Variants in WRN observed in about 807,000 individuals in gnomAD.
WRN encodes WRN RecQ like helicase, also known as bifunctional 3'-5' exonuclease/ATP-dependent helicase WRN.
In WRN, 149 loss-of-function variants were observed where a neutral mutation model predicts 180.7. The ratio of observed to expected loss-of-function variants is 0.82; its 90% CI spans 0.72 to 0.94. The LOEUF (loss-of-function observed/expected upper bound fraction) is 0.94, where lower values mean the gene tolerates loss of function less well. WRN is among the 40% of genes least tolerant of loss of function. The probability of loss-of-function intolerance (pLI) is 0.00; values close to 1 mark genes in which losing one functional copy is unlikely to be tolerated. For missense variants in WRN, 1,661 were observed against 1,700.1 expected (o/e 0.98, Z 0.40); for synonymous variants, 548 against 568.9 (o/e 0.96, Z 0.52).
chr8:31,143,055 A>G (rs200164152), intron 27 of WRN, among the ~76,000 whole-genome samples: 2 of 19,064 alleles, frequency 1.0e-4, no homozygotes, highest in South Asian at 6.7e-3. Context: ...ACACACACAC[A>G]TTCTCTCTCT....
chr8:31,087,857 A>T lies in WRN; in HGVS notation c.1513A>T (p.Thr505Ser). Residue 505 changes from threonine (T) to serine (S), a missense_variant, in exon 12 of 35, where the codon ACT (threonine) becomes TCT (serine). This residue lies in a region of WRN where 1,141 missense variants were observed against 1,149.4 expected (regional missense o/e 0.99). Transcript: ENST00000298139. ...AATGGAAAGAAATCTGGGTCTTCCT[A>T]CTAAAGAAGAAGAAGAAGATGATGA... ...LKMERNLGLP[T>S]KEEEEDDENE... 1 of 1,613,780 alleles carries T rather than the reference A, an allele frequency of 6.2e-7. No homozygotes were observed. Among genetic ancestry groups the T allele is most frequent in the South Asian group, 1.1e-5 (1 of 91,082 alleles).
chr8:31,101,130 T>C (rs1814212784), intron 18 of WRN, among the ~76,000 whole-genome samples, 175 bp downstream of exon 18: 1 of 152,220 alleles, frequency 6.6e-6, no homozygotes, highest in East Asian at 1.9e-4. Context: ...TTGAGGAATA[T>C]AATAGAACAA....
intron 1 of WRN, among the ~76,000 whole-genome samples, chr8:31,050,509 CTT>C (rs60531883): frequency 1.2e-3 from 159 of 133,036 alleles, no homozygotes; most frequent in African/African-American, 2.8e-3. Flanking sequence ...GTTTTGGATA[CTT>C]TTTTTTTTTT....
At chr8:31,152,354 A>G (rs767377964) in intron 31 of WRN, among the ~76,000 whole-genome samples, 5 of 152,138 alleles carry the variant, frequency 3.3e-5, no homozygotes, top group Non-Finnish European at 5.9e-5. Flanking sequence ...GACTATATGA[A>G]CATGTATGGC....
At chr8:31,162,396 C>T (rs1475111899) in intron 33 of WRN, among the ~76,000 whole-genome samples, 1 of 152,192 alleles carries the variant, frequency 6.6e-6, no homozygotes, top group Non-Finnish European at 1.5e-5. Flanking sequence ...ACCTCCACAT[C>T]TTGTCCCACC....
At chr8:31,162,088 T>C (rs1803645272) in intron 33 of WRN, among the ~76,000 whole-genome samples, 1 of 152,104 alleles carries the variant, frequency 6.6e-6, no homozygotes, top group Non-Finnish European at 1.5e-5. Flanking sequence ...AAACAAAAGT[T>C]AAAAAATTTA....
chr8:31,063,860 A>T (rs958338652), intron 3 of WRN, among the ~76,000 whole-genome samples: 1 of 152,108 alleles, frequency 6.6e-6, no homozygotes, highest in Non-Finnish European at 1.5e-5. Context: ...AGTAGCTGGG[A>T]CTACAGGTGT....
chr8:31,106,231 C>T (rs1008148490), intron 18 of WRN, among the ~76,000 whole-genome samples: 5 of 152,144 alleles, frequency 3.3e-5, no homozygotes, highest in Admixed American at 6.5e-5. Flanking sequence ...CTGCCATTCC[C>T]CAGGTACGGG....
rs757791580 is a variant in WRN at position 31,058,472 on chromosome 8, A to G, written c.25A>G (p.Thr9Ala). The change falls in exon 2 of 35, where the codon ACT becomes GCT. Residue 9 changes from threonine to alanine, a missense_variant. By Grantham distance (58) the Thr-to-Ala change is moderately conservative. Around this residue, in one of 3 missense-constraint regions of WRN, gnomAD observed 500 missense variants for 504.1 expected, o/e 0.99. Coordinates refer to ENST00000298139, the MANE Select transcript of WRN (RefSeq NM_000553.6). MSEKKLET[T>A]AQQRKCPEWM... ...GATGAGTGAAAAAAAATTGGAAACA[A>G]CTGCACAGCAGCGGAAATGTCCTGA... 59 of 1,613,634 alleles carry G rather than the reference A, an allele frequency of 3.7e-5. No individual in the cohort carries two copies. The highest frequency in any genetic ancestry group is 3.3e-4 in the Middle Eastern group (2 of 6,074).
intron 7 of WRN, among the ~76,000 whole-genome samples, chr8:31,068,648 T>A (rs1812798886): frequency 6.6e-6 from 1 of 152,244 alleles, no homozygotes; most frequent in African/African-American, 2.4e-5. Flanking sequence ...TTGCTATAAG[T>A]ATTTAAAATG....
At chr8:31,037,601 G>A (rs1204716321) in intron 1 of WRN, among the ~76,000 whole-genome samples, 1 of 152,176 alleles carries the variant, frequency 6.6e-6, no homozygotes, top group Non-Finnish European at 1.5e-5. Flanking sequence ...TCATTCTTTT[G>A]CATATGGTTA....
Position 31,080,905 on chromosome 8 carries a change from A to G in WRN, c.878A>G (p.Tyr293Cys), listed in dbSNP as rs868800821. 1.2e-5 allele frequency: 20 copies of G among 1,610,622 alleles called. No homozygotes were observed. The highest frequency in any genetic ancestry group is 1.4e-5 in the Non-Finnish European group (17 of 1,179,212). ...CTAAAGGATATTTCAGAAAATCTAT[A>G]TTCACTGAGGAGGATGATAATTGGG... is the stretch of plus-strand genomic sequence containing the variant. Reference protein sequence around the residue: ...ILLKDISENLYSLRRMIIGST... With the variant: ...ILLKDISENLCSLRRMIIGST... Residue 293 changes from tyrosine (Y) to cysteine (C), a missense_variant, in exon 9 of 35, where the codon TAT (tyrosine) becomes TGT (cysteine). Tyr to Cys is a radical substitution (Grantham distance 194, BLOSUM62 -2). Around this residue, in one of 3 missense-constraint regions of WRN, gnomAD observed 500 missense variants for 504.1 expected, o/e 0.99. Coordinates refer to ENST00000298139, the MANE Select transcript of WRN (RefSeq NM_000553.6).
intron 33 of WRN, among the ~76,000 whole-genome samples, chr8:31,164,761 T>C (rs1022063896): frequency 2.0e-5 from 3 of 152,132 alleles, no homozygotes; most frequent in African/African-American, 4.8e-5. Context: ...TTCCAAGGGA[T>C]CTACTACAAA....
In WRN at chr8:31,059,147, C is replaced by G. The variant is rs1395618077; in HGVS notation, c.97-6C>G. On this transcript the variant is annotated splice_region_variant and splice_polypyrimidine_tract_variant and intron_variant, in intron 2 of 34. Transcript: ENST00000298139. ...TGTGCCTGTTTTGAAATTTACTAAA[C>G]TCAAGGCATGTGTTCGGAAGAGTGT... is the stretch of plus-strand genomic sequence containing the variant. 16 of 1,609,524 alleles carry G rather than the reference C, an allele frequency of 9.9e-6. No individual in the cohort carries two copies. The highest frequency in any genetic ancestry group is 1.0e-5 in the Non-Finnish European group (12 of 1,176,060).
intron 6 of WRN, 148 bp downstream of exon 6, chr8:31,067,330 T>A: frequency 1.1e-6 from 1 of 897,928 alleles, no homozygotes; most frequent in Non-Finnish European, 1.7e-6. Flanking sequence ...AGGAAGACAT[T>A]TAGTGAAACT....
At chr8:31,050,009 A>C (rs1287978023) in intron 1 of WRN, among the ~76,000 whole-genome samples, 1 of 152,072 alleles carries the variant, frequency 6.6e-6, no homozygotes, top group African/African-American at 2.4e-5. Flanking sequence ...AGGAAATGAA[A>C]ATTTAGAGAA....
intron 1 of WRN, among the ~76,000 whole-genome samples, chr8:31,055,555 G>A (rs556077837): frequency 6.6e-6 from 1 of 151,686 alleles, no homozygotes; most frequent in Non-Finnish European, 1.5e-5. Flanking sequence ...TTGCATAAAT[G>A]TCTTTTTTTG....
chr8:31,058,526 G>T lies in WRN; in HGVS notation c.79G>T (p.Ala27Ser), dbSNP rs778355874. Residue 27 changes from alanine to serine, a missense_variant, in exon 2 of 35, where the codon GCT (alanine) becomes TCT (serine). By Grantham distance (99) the Ala-to-Ser change is moderately conservative. Around this residue, in one of 3 missense-constraint regions of WRN, gnomAD observed 500 missense variants for 504.1 expected, o/e 0.99. Coordinates refer to ENST00000298139, the MANE Select transcript of WRN (RefSeq NM_000553.6). ...GATGAATGTGCAGAATAAAAGATGT[G>T]CTGTAGAAGAAAGAAAGGTATGTTG... ...EWMNVQNKRC[A>S]VEERKACVRK... 1 of 1,613,756 alleles carries T rather than the reference G, an allele frequency of 6.2e-7. No individual in the cohort carries two copies. Among genetic ancestry groups the T allele is most frequent in the Admixed American group, 1.7e-5 (1 of 60,016 alleles).
At chr8:31,141,046 C>T (rs1364097354) in intron 24 of WRN, among the ~76,000 whole-genome samples, 1 of 152,078 alleles carries the variant, frequency 6.6e-6, no homozygotes, top group Non-Finnish European at 1.5e-5. Context: ...TGCCGCATTG[C>T]GTTTTATATA....
Sources: allele counts gnomAD v4.1 joint callset (sites outside exome capture counted in the v4.1 genomes callset), GRCh38; gene constraint gnomAD v4.1.1; regional missense constraint gnomAD v4.1.1; transcripts MANE v1.5; gene names NCBI Gene and HGNC (gene_info 2026-07-23, HGNC 2026-07-21).